The following RBFOX1 variants were observed in gnomAD, a reference collection of about 807,000 sequenced individuals.
RBFOX1 encodes RNA binding fox-1 homolog 1.
RBFOX1 carries 8 observed loss-of-function variants against 57.7 expected under a neutral mutation model. The observed-to-expected ratio is 0.14, with a 90% confidence interval of 0.08 to 0.25. The LOEUF (loss-of-function observed/expected upper bound fraction) is 0.25. Ranked by LOEUF, RBFOX1 falls within the 10% of genes least tolerant of loss-of-function variation. RBFOX1 has a pLI of 1.00. For synonymous variants in RBFOX1, 326 were observed against 222.4 expected (o/e 1.47, Z -4.15); for missense variants, 611 against 548.5 (o/e 1.11, Z -1.14).
chr16:5,607,354 T>G (rs541417410), intron 3 of RBFOX1, among the ~76,000 whole-genome samples: 1 of 152,292 alleles, frequency 6.6e-6, no homozygotes, highest in South Asian at 2.1e-4. Flanking sequence ...AAGTTGGACT[T>G]GCTGGGACGA....
At chr16:6,819,727 AAAAATAAC>A (rs869097156) in intron 3 of RBFOX1, among the ~76,000 whole-genome samples, 1,496 of 106,132 alleles carry the variant, frequency 0.014, 152 homozygotes, top group African/African-American at 0.04. Flanking sequence ...AAAAAAAAAA[AAAAATAAC>A]AACACCAAAA....
chr16:6,463,993 T>C (rs1206205461), intron 2 of RBFOX1, among the ~76,000 whole-genome samples: 1 of 152,188 alleles, frequency 6.6e-6, no homozygotes, highest in Non-Finnish European at 1.5e-5. Context: ...AAAGAGGGGC[T>C]GACCATTTGA....
intron 4 of RBFOX1, among the ~76,000 whole-genome samples, chr16:7,362,302 G>GTGTT (rs748947562): frequency 1.3e-3 from 43 of 32,796 alleles, no homozygotes; most frequent in East Asian, 0.013. Context: ...TGTTTTTCGT[G>GTGTT]TGTTTGCGTG....
chr16:6,085,294 C>T (rs529375003), intron 1 of RBFOX1, among the ~76,000 whole-genome samples: 13 of 152,230 alleles, frequency 8.5e-5, no homozygotes, highest in South Asian at 6.2e-4. Flanking sequence ...GTTTTTGAGA[C>T]GCGGTTTCGC....
At chr16:5,744,755 T>C (rs556310521) in intron 3 of RBFOX1, among the ~76,000 whole-genome samples, 2 of 152,258 alleles carry the variant, frequency 1.3e-5, no homozygotes, top group East Asian at 3.9e-4. Context: ...GTGAAGAAAT[T>C]GTGCTTTCTT....
chr16:6,534,898 C>G (rs931787792), intron 2 of RBFOX1, among the ~76,000 whole-genome samples: 5 of 152,106 alleles, frequency 3.3e-5, no homozygotes, highest in Admixed American at 6.6e-5. Context: ...GAGGCATATC[C>G]TAGTGGTCAA....
intron 3 of RBFOX1, among the ~76,000 whole-genome samples, chr16:6,924,505 C>A (rs374073409): frequency 6.6e-6 from 1 of 152,046 alleles, no homozygotes; most frequent in Non-Finnish European, 1.5e-5. Flanking sequence ...TCAAATATTT[C>A]CCTCCAGGCC....
intron 4 of RBFOX1, among the ~76,000 whole-genome samples, chr16:7,064,541 G>A (rs1281934641): frequency 6.6e-6 from 1 of 152,046 alleles, no homozygotes; most frequent in Non-Finnish European, 1.5e-5. Context: ...GACCCAAAGG[G>A]AGATGATCAC....
chr16:7,450,522 C>G (rs920388039), intron 4 of RBFOX1, among the ~76,000 whole-genome samples: 1 of 152,034 alleles, frequency 6.6e-6, no homozygotes, highest in Non-Finnish European at 1.5e-5. Context: ...GCCCCCGACT[C>G]CCACTTAGGT....
At chr16:5,574,303 G>C (rs2046382693) in intron 2 of RBFOX1, among the ~76,000 whole-genome samples, 2 of 152,218 alleles carry the variant, frequency 1.3e-5, no homozygotes, top group African/African-American at 4.8e-5. Context: ...ATCTGATTGT[G>C]CTGTATCTGT....
intron 3 of RBFOX1, among the ~76,000 whole-genome samples, chr16:6,707,830 T>C (rs983264665): frequency 6.6e-6 from 1 of 152,180 alleles, no homozygotes; most frequent in African/African-American, 2.4e-5. Context: ...CGCCTTCTCC[T>C]TCCCCAAGCT....
chr16:6,980,168 GTTA>G (rs2088325479), intron 3 of RBFOX1, among the ~76,000 whole-genome samples: 2 of 152,148 alleles, frequency 1.3e-5, no homozygotes, highest in Non-Finnish European at 2.9e-5. Context: ...AGCCTCCGCA[GTTA>G]GGATTTCTAT....
intron 2 of RBFOX1, among the ~76,000 whole-genome samples, chr16:6,458,739 G>A (rs370280981): frequency 1.3e-5 from 2 of 152,300 alleles, no homozygotes; most frequent in South Asian, 2.1e-4. Flanking sequence ...AATGAAAAAC[G>A]GTATCTGTGT....
At chr16:7,664,257 A>G (rs1002864627) in intron 12 of RBFOX1, among the ~76,000 whole-genome samples, 5 of 152,226 alleles carry the variant, frequency 3.3e-5, no homozygotes, top group African/African-American at 1.2e-4. Context: ...ATATGCACAC[A>G]ATGCACTTGT....
chr16:6,097,517 A>C lies in RBFOX1; in HGVS notation c.-127+77525A>C, dbSNP rs1006982680. On this transcript the variant is annotated intron_variant, in intron 1 of 15. Coordinates refer to ENST00000550418, the MANE Select transcript of RBFOX1 (RefSeq NM_018723.4). The surrounding 1 kb of genome is among the most constrained non-coding windows in gnomAD (Gnocchi z 5.0). Reference sequence around the variant, plus strand: ...GCAGGAACCAGCAATCTGTGCTTTCAACAAGCTCTCTGAGTGCTTCTTCTG... The same window carrying C: ...GCAGGAACCAGCAATCTGTGCTTTCCACAAGCTCTCTGAGTGCTTCTTCTG... Among the ~76,000 whole-genome samples the C allele has an allele frequency of 1.3e-5, 2 of 152,192 alleles. No individual in the cohort carries two copies. Among genetic ancestry groups the C allele is most frequent in the African/African-American group, 4.8e-5 (2 of 41,444 alleles).
chr16:6,973,833 C>G (rs908775352), intron 3 of RBFOX1, among the ~76,000 whole-genome samples: 2 of 151,928 alleles, frequency 1.3e-5, no homozygotes, highest in African/African-American at 4.8e-5. Context: ...GTTTGTTAAA[C>G]AGGTAAACGT....
At chr16:6,210,134 A>T (rs780981503) in intron 1 of RBFOX1, among the ~76,000 whole-genome samples, 7 of 151,814 alleles carry the variant, frequency 4.6e-5, no homozygotes, top group African/African-American at 1.7e-4. Flanking sequence ...CCTGGCCAAC[A>T]TGGTGAAACC....
chr16:6,122,682 C>T (rs1443919009), intron 1 of RBFOX1, among the ~76,000 whole-genome samples: 2 of 152,020 alleles, frequency 1.3e-5, no homozygotes, highest in Non-Finnish European at 2.9e-5. Context: ...CTGGCTCTTC[C>T]CTTATTGAAG....
intron 3 of RBFOX1, among the ~76,000 whole-genome samples, chr16:6,993,611 T>C (rs920578185): frequency 1.3e-5 from 2 of 152,188 alleles, no homozygotes; most frequent in African/African-American, 4.8e-5. Context: ...TTGAGTTTAA[T>C]TGTTAAAATT....
Sources: gnomAD v4.1 joint callset for allele counts (sites outside exome capture counted in the v4.1 genomes callset) on GRCh38, gnomAD v4.1.1 for gene constraint, Gnocchi (gnomAD v3.1) non-coding constraint, MANE v1.5 for transcripts, NCBI Gene and HGNC (gene_info 2026-07-23, HGNC 2026-07-21) for gene names.